METTL22: variants seen among roughly 807,000 people sequenced by gnomAD.
The protein encoded by METTL22 is methyltransferase-like protein 22.
METTL22 carries 51 observed loss-of-function variants against 48.4 expected under a neutral mutation model. The ratio of observed to expected loss-of-function variants is 1.05; its 90% confidence interval spans 0.84 to 1.33. The LOEUF (loss-of-function observed/expected upper bound fraction) is 1.33, where lower values mean the gene tolerates loss of function less well. Ranked by LOEUF, METTL22 falls within the 40% of genes most tolerant of loss-of-function variation. The probability of loss-of-function intolerance (pLI) is 0.00; values close to 1 mark genes in which losing one functional copy is unlikely to be tolerated. For synonymous variants in METTL22, 255 were observed against 214.1 expected (o/e 1.19, Z -1.67); for missense variants, 678 against 526.9 (o/e 1.29, Z -2.81).
the METTL22 span, among the ~76,000 whole-genome samples, chr16:8,659,843 C>G: frequency 0.01 from 1,533 of 152,026 alleles, 34 homozygotes; most frequent in African/African-American, 0.035. Context: ...CCCACCTCAG[C>G]CCCACCAAGT....
At chr16:8,632,547 T>A (rs951444942) in intron 3 of METTL22, among the ~76,000 whole-genome samples, 5 of 152,154 alleles carry the variant, frequency 3.3e-5, no homozygotes, top group Non-Finnish European at 7.4e-5. Flanking sequence ...TTTCTCAGAC[T>A]ATGACCCTGG....
chr16:8,637,963 C>T (rs980600397), intron 5 of METTL22, among the ~76,000 whole-genome samples: 2 of 135,708 alleles, frequency 1.5e-5, no homozygotes, highest in African/African-American at 5.6e-5. Context: ...CACGGTGAAA[C>T]CCCATCTGTA....
At chr16:8,629,389 G>A (rs1291473506) in intron 3 of METTL22, among the ~76,000 whole-genome samples, 1 of 152,136 alleles carries the variant, frequency 6.6e-6, no homozygotes, top group Non-Finnish European at 1.5e-5. Flanking sequence ...CCCCATTGCC[G>A]TACAGTTTCC....
intron 7 of METTL22, 112 bp from the exon 8 acceptor site, chr16:8,642,015 G>C (rs1697035647): frequency 1.2e-6 from 1 of 816,510 alleles, no homozygotes; most frequent in Non-Finnish European, 2.1e-6. Context: ...ACTGCACCGA[G>C]CTACCCCCAG....
chr16:8,646,922 T>C lies in METTL22; in HGVS notation c.*779T>C, dbSNP rs2056813782. 2 of 351,020 alleles carry C rather than the reference T, an allele frequency of 5.7e-6. No homozygotes were observed. Among genetic ancestry groups the C allele is most frequent in the Admixed American group, 7.6e-5 (2 of 26,156 alleles). The allele number at this position is 351,020 out of a possible 1,614,324, so 21.7% of individuals were successfully genotyped here. A position where few individuals can be genotyped will look rare whatever the true frequency, so the allele number is the denominator to read the frequency against. On this transcript the variant is annotated 3_prime_UTR_variant, in exon 11 of 11. Transcript: ENST00000381920. ...CTCCATCTGTGCCTCTCTCCTCCCA[T>C]CTCCACCCCTTCCTGTCATCCTCTA...
intron 5 of METTL22, among the ~76,000 whole-genome samples, chr16:8,637,618 G>A (rs544318388): frequency 1.1e-4 from 17 of 152,292 alleles, no homozygotes; most frequent in South Asian, 4.1e-4. Flanking sequence ...GATGAGACCC[G>A]AGGCCCTTGA....
downstream of METTL22, among the ~76,000 whole-genome samples, chr16:8,654,456 T>A (rs1014117620): frequency 6.6e-6 from 1 of 152,280 alleles, no homozygotes; most frequent in Admixed American, 6.5e-5. Context: ...CTTTATGTTA[T>A]ATACATGTAT....
At chr16:8,658,009 G>T in the METTL22 span, among the ~76,000 whole-genome samples, 1 of 152,032 alleles carries the variant, frequency 6.6e-6, no homozygotes, top group Non-Finnish European at 1.5e-5. Context: ...CAGAGACGGG[G>T]TTTCACCATG....
intron 6 of METTL22, chr16:8,639,701 C>G (rs780632736): frequency 1.0e-4 from 17 of 165,196 alleles, no homozygotes; most frequent in South Asian, 8.0e-4. Context: ...GCAGATGGGC[C>G]TCCGCCTCCA....
the METTL22 span, among the ~76,000 whole-genome samples, chr16:8,665,029 G>A: frequency 4.6e-5 from 7 of 152,134 alleles, no homozygotes; most frequent in Non-Finnish European, 1.0e-4. Context: ...CGAGAAAGCT[G>A]GGTGGGAGCC....
At chr16:8,656,862 A>G in the METTL22 span, among the ~76,000 whole-genome samples, 1 of 152,266 alleles carries the variant, frequency 6.6e-6, no homozygotes, top group Non-Finnish European at 1.5e-5. Context: ...TTCTTGCTGC[A>G]TGATAGCACA....
intron 6 of METTL22, chr16:8,639,472 C>T (rs2056525454): frequency 2.5e-6 from 1 of 399,676 alleles, no homozygotes; most frequent in African/African-American, 2.0e-5. Flanking sequence ...CCTCATGAAA[C>T]ATCCAGAGTG....
At chr16:8,660,742 T>C in the METTL22 span, among the ~76,000 whole-genome samples, 1 of 140,650 alleles carries the variant, frequency 7.1e-6, no homozygotes, top group African/African-American at 2.7e-5. Flanking sequence ...CGGTCGCTGC[T>C]TCAGGTGGGG....
intron 2 of METTL22, among the ~76,000 whole-genome samples, chr16:8,628,306 G>C (rs1456198614): frequency 6.6e-6 from 1 of 152,164 alleles, no homozygotes; most frequent in African/African-American, 2.4e-5. Flanking sequence ...TGGATGATCG[G>C]ACAGATTCAA....
At position 8,646,126 on chromosome 16, in the gene METTL22, G is replaced by T. The variant is rs372668884; in HGVS notation, c.1198G>T (p.Ala400Ser). The stretch of plus-strand genomic sequence containing the variant: ...GCTGCAGGAGCTCTGGAAGATCATC[G>T]CAGAACCAGTAACATGACCCATCGC... Reference protein sequence around the residue: ...LQQLELWKIIAEPVT With the variant: ...LQQLELWKIISEPVT The change falls in exon 11 of 11, where the codon GCA (alanine) becomes TCA (serine). Residue 400 changes from alanine to serine, a missense_variant. By Grantham distance (99) the Ala-to-Ser change is moderately conservative. Coordinates refer to ENST00000381920, the MANE Select transcript of METTL22 (RefSeq NM_024109.4). 3 of 1,396,478 alleles carry T rather than the reference G, an allele frequency of 2.1e-6. No homozygotes were observed. The African/African-American group carries it at 8.5e-5, about 40-fold the overall frequency. The allele number at this position is 1,396,478 out of a possible 1,614,324, so 86.5% of individuals were successfully genotyped here.
At chr16:8,642,344 C>A in intron 8 of METTL22, 119 bp from the exon 9 acceptor site, 1 of 1,257,142 alleles carries the variant, frequency 8.0e-7, no homozygotes, top group Non-Finnish European at 1.2e-6. Flanking sequence ...AGTTTTAATT[C>A]TGGAAGCTGC....
chr16:8,645,951 A>G, intron 10 of METTL22, 157 bp from the exon 11 acceptor site: 2 of 1,264,590 alleles, frequency 1.6e-6, no homozygotes, highest in East Asian at 3.0e-5. Context: ...GCAACAAAGA[A>G]AGGAGGAAGC....
In METTL22 at chr16:8,639,105, C is replaced by G; in HGVS notation, c.715C>G (p.Leu239Val). 6.2e-7 allele frequency: 1 copy of G among 1,614,050 alleles called. No homozygotes were observed. The highest frequency in any genetic ancestry group is 8.5e-7 in the Non-Finnish European group (1 of 1,180,016). The change falls in exon 6 of 11, where the codon CTC becomes GTC. Residue 239 changes from leucine to valine, a missense_variant. Coordinates refer to ENST00000381920, the MANE Select transcript of METTL22 (RefSeq NM_024109.4). Reference sequence around the variant, plus strand: ...TGTCATTCCAGATGTCGGTGCAGATCTCTTGTCCATGTGCCAGCGAAACAT... The same window carrying G: ...TGTCATTCCAGATGTCGGTGCAGATGTCTTGTCCATGTGCCAGCGAAACAT... ...TVYCTDVGADLLSMCQRNIAL... is the reference protein window; with the variant it reads ...TVYCTDVGADVLSMCQRNIAL...
chr16:8,638,255 G>T (rs145581910), intron 5 of METTL22, among the ~76,000 whole-genome samples: 1 of 152,150 alleles, frequency 6.6e-6, no homozygotes, highest in South Asian at 2.1e-4. Flanking sequence ...AGCTCCTCCC[G>T]TACATGGCTC....
Sources: allele counts gnomAD v4.1 joint callset (sites outside exome capture counted in the v4.1 genomes callset), GRCh38; gene constraint gnomAD v4.1.1; transcripts MANE v1.5; gene names NCBI Gene and HGNC (gene_info 2026-07-23, HGNC 2026-07-21).